Variants in SLC43A2 observed in about 807,000 individuals in gnomAD.
The protein encoded by SLC43A2 is large neutral amino acids transporter small subunit 4.
Under a neutral mutation model 63.2 loss-of-function variants are expected in SLC43A2, and 38 were observed. The ratio of observed to expected loss-of-function variants is 0.60; its 90% CI spans 0.46 to 0.79. The LOEUF (loss-of-function observed/expected upper bound fraction) is 0.79, where lower values mean the gene tolerates loss of function less well. Ranked by LOEUF, SLC43A2 falls within the 30% of genes least tolerant of loss-of-function variation. The pLI is 0.00. For missense variants in SLC43A2, 644 were observed against 756.2 expected (o/e 0.85, Z 1.74); for synonymous variants, 322 against 331.0 (o/e 0.97, Z 0.30).
At chr17:1,613,711 A>G (rs1907336654) in intron 4 of SLC43A2, among the ~76,000 whole-genome samples, 1 of 152,216 alleles carries the variant, frequency 6.6e-6, no homozygotes, top group South Asian at 2.1e-4. Flanking sequence ...CGCTAAGATT[A>G]CAGGCATAAG....
At position 1,576,489 on chromosome 17, in the gene SLC43A2, G is replaced by A. The variant is rs532826068; in HGVS notation, c.1548+108C>T. 232 of 1,265,428 alleles carry A rather than the reference G, an allele frequency of 1.8e-4. No individual in the cohort carries two copies. In the East Asian group the frequency reaches 4.2e-3, roughly 23 times the overall value. 78.4% of individuals were successfully genotyped at this position (1,265,428 alleles called of 1,614,324 possible). A position where few individuals can be genotyped will look rare whatever the true frequency, so the allele number is the denominator to read the frequency against. On this transcript the variant is annotated intron_variant, in intron 13 of 13. Coordinates refer to ENST00000301335, the MANE Select transcript of SLC43A2 (RefSeq NM_152346.3). ...GGACTCTTAACCAATCCTAACCAAC[G>A]CTCCCACATGTCCTCGGGGCCCTGA...
At chr17:1,613,674 T>C (rs1034159523) in intron 4 of SLC43A2, among the ~76,000 whole-genome samples, 1 of 152,166 alleles carries the variant, frequency 6.6e-6, no homozygotes, top group Non-Finnish European at 1.5e-5. Flanking sequence ...TGGCCTCGGG[T>C]GATCTGCCGA....
At chr17:1,594,791 C>CCTGT (rs1567625777) in intron 5 of SLC43A2, among the ~76,000 whole-genome samples, 1 of 151,140 alleles carries the variant, frequency 6.6e-6, no homozygotes, top group Non-Finnish European at 1.5e-5. Flanking sequence ...GGTTTCACCA[C>CCTGT]GTTAGCCAGG....
At chr17:1,615,840 C>CTCAA (rs948183440) in intron 3 of SLC43A2, among the ~76,000 whole-genome samples, 5 of 44,578 alleles carry the variant, frequency 1.1e-4, no homozygotes, top group African/African-American at 1.9e-4. Context: ...GAGACTCCAT[C>CTCAA]TCAATAAATA....
chr17:1,584,127 T>C (rs951966456), intron 10 of SLC43A2, among the ~76,000 whole-genome samples: 3 of 152,080 alleles, frequency 2.0e-5, no homozygotes, highest in Non-Finnish European at 4.4e-5. Flanking sequence ...TCTTCTGACC[T>C]TGTGATCCAC....
chr17:1,628,494 C>T (rs967033268), intron 1 of SLC43A2, among the ~76,000 whole-genome samples: 1 of 151,664 alleles, frequency 6.6e-6, no homozygotes, highest in African/African-American at 2.4e-5. Flanking sequence ...GTCTAGGTCG[C>T]TAGGCGCTGC....
chr17:1,608,320 T>C (rs1392296272), intron 5 of SLC43A2, among the ~76,000 whole-genome samples: 1 of 152,182 alleles, frequency 6.6e-6, no homozygotes, highest in Non-Finnish European at 1.5e-5. Flanking sequence ...GGTCACTCTC[T>C]AGCCTGTGTA....
intron 6 of SLC43A2, among the ~76,000 whole-genome samples, chr17:1,592,400 C>T (rs568423084): frequency 6.6e-6 from 1 of 152,350 alleles, no homozygotes; most frequent in South Asian, 2.1e-4. Context: ...GCACTCCAAC[C>T]TGGGCGACAG....
At chr17:1,585,610 A>G (rs2151036898) in intron 10 of SLC43A2, 2 of 1,197,350 alleles carry the variant, frequency 1.7e-6, no homozygotes, top group Non-Finnish European at 2.2e-6. Flanking sequence ...CTGGTCTCCA[A>G]CTCCTGGCCT....
chr17:1,626,317 A>G (rs574137328), intron 2 of SLC43A2, among the ~76,000 whole-genome samples: 1 of 152,032 alleles, frequency 6.6e-6, no homozygotes, highest in East Asian at 1.9e-4. Flanking sequence ...GGGGACAGGC[A>G]TTAATCTCCT....
intron 10 of SLC43A2, 24 bp downstream of exon 10, chr17:1,585,889 G>A (rs377629652): frequency 1.9e-4 from 304 of 1,613,100 alleles, no homozygotes; most frequent in Non-Finnish European, 2.3e-4. Flanking sequence ...GCTGGGAGCC[G>A]GGGCACCGGC....
At chr17:1,585,885 A>T (rs1202258319) in intron 10 of SLC43A2, 28 bp downstream of exon 10, 2 of 1,613,154 alleles carry the variant, frequency 1.2e-6, no homozygotes, top group African/African-American at 2.7e-5. Context: ...GCGGGCTGGG[A>T]GCCGGGGCAC....
chr17:1,603,185 G>C (rs1179476229), intron 5 of SLC43A2: 1 of 152,186 alleles, frequency 6.6e-6, no homozygotes, highest in Non-Finnish European at 1.5e-5. Context: ...CGAGGGAAGT[G>C]TCCTCTGGCA....
chr17:1,620,079 G>C (rs569477727), intron 2 of SLC43A2, among the ~76,000 whole-genome samples: 86 of 152,198 alleles, frequency 5.7e-4, no homozygotes, highest in Admixed American at 1.8e-3. Context: ...AAATCCCAAG[G>C]CTAGGCCAGG....
At chr17:1,581,059 G>A (rs2076004558) in intron 11 of SLC43A2, among the ~76,000 whole-genome samples, 1 of 152,096 alleles carries the variant, frequency 6.6e-6, no homozygotes, top group South Asian at 2.1e-4. Context: ...CATCCTCTTG[G>A]CCACCAGGTC....
At position 1,576,671 on chromosome 17, in the gene SLC43A2, T is replaced by C. The variant is rs1285704958; in HGVS notation, c.1474A>G (p.Ser492Gly). Reference protein sequence around the residue: ...GSLTGLQSLISALFALLQQPL... With the variant: ...GSLTGLQSLIGALFALLQQPL... The stretch of plus-strand genomic sequence containing the variant: ...TGCTGCAGAAGGGCGAAGAGCGCGC[T>C]GATCAGAGACTGCAGTCCCGTGAGG... Residue 492 changes from serine to glycine, a missense_variant, in exon 13 of 14, where the codon AGC (serine) becomes GGC (glycine). Ser to Gly is a moderately conservative substitution (Grantham distance 56). Transcript: ENST00000301335. 6.2e-7 allele frequency: 1 copy of C among 1,611,102 alleles called. No homozygotes were observed. Among genetic ancestry groups the C allele is most frequent in the Non-Finnish European group, 8.5e-7 (1 of 1,179,972 alleles).
chr17:1,604,653 G>A, intron 5 of SLC43A2: 1 of 1,402,574 alleles, frequency 7.1e-7, no homozygotes, highest in Non-Finnish European at 9.7e-7. Flanking sequence ...AGACTACAGG[G>A]GGATACCACA....
At chr17:1,594,763 T>G in intron 5 of SLC43A2, among the ~76,000 whole-genome samples, 1 of 151,690 alleles carries the variant, frequency 6.6e-6, no homozygotes, top group Admixed American at 6.6e-5. Context: ...AATTTTTTTG[T>G]ATTTTCAGTA....
At chr17:1,580,893 A>G (rs2076002433) in intron 11 of SLC43A2, among the ~76,000 whole-genome samples, 2 of 152,028 alleles carry the variant, frequency 1.3e-5, no homozygotes, top group South Asian at 4.1e-4. Context: ...GCACTCCACA[A>G]CACCTGGCTA....
Sources: gnomAD v4.1 joint callset for allele counts (sites outside exome capture counted in the v4.1 genomes callset) on GRCh38, gnomAD v4.1.1 for gene constraint, MANE v1.5 for transcripts, NCBI Gene and HGNC (gene_info 2026-07-23, HGNC 2026-07-21) for gene names.